Variants in HACD2 observed in about 807,000 individuals in gnomAD.
The protein encoded by HACD2 is very-long-chain (3R)-3-hydroxyacyl-CoA dehydratase 2.
HACD2 carries 15 observed loss-of-function variants against 31.0 expected under a neutral mutation model. The observed-to-expected ratio is 0.48, with a 90% CI of 0.32 to 0.75. The LOEUF (loss-of-function observed/expected upper bound fraction) is 0.75. Among genes scored for constraint, HACD2 ranks in the 30% least tolerant of loss-of-function variants. The pLI is 0.03. For missense variants in HACD2, 283 were observed against 313.0 expected, an observed-to-expected ratio of 0.90 and a Z score of 0.72; for synonymous variants, 115 against 122.2, an observed-to-expected ratio of 0.94 and a Z score of 0.39.
chr3:123,558,485 G>A (rs1364815118), intron 3 of HACD2, among the ~76,000 whole-genome samples: 2 of 152,122 alleles, frequency 1.3e-5, no homozygotes, highest in Non-Finnish European at 2.9e-5. Flanking sequence ...TTGATAATGG[G>A]AGACTATGCA....
At chr3:123,583,424 C>T (rs2056986763) in intron 1 of HACD2, among the ~76,000 whole-genome samples, 1 of 152,056 alleles carries the variant, frequency 6.6e-6, no homozygotes, top group South Asian at 2.1e-4. Context: ...AGTGAGATTC[C>T]TGGATGTTTT....
chr3:123,500,715 A>AT lies in HACD2; in HGVS notation c.504-23dup, dbSNP rs768755764. ...GTACCTAAAACAAAACAAAATATTC[A>AT]TTACTGAGGCTCAAAGTCAGCTTTA... On this transcript the variant is annotated intron_variant, in intron 5 of 6. Transcript: ENST00000383657. 9 of 1,554,432 alleles carry AT rather than the reference A, an allele frequency of 5.8e-6. No individual in the cohort carries two copies. The African/African-American group carries it at 1.2e-4, about 21-fold the overall frequency.
chr3:123,540,922 A>G (rs2056482804), intron 3 of HACD2, among the ~76,000 whole-genome samples: 1 of 152,222 alleles, frequency 6.6e-6, no homozygotes, highest in Non-Finnish European at 1.5e-5. Context: ...TTAAAAATTT[A>G]TCAAATACTG....
At chr3:123,546,737 T>C (rs1165060939) in intron 3 of HACD2, among the ~76,000 whole-genome samples, 1 of 152,196 alleles carries the variant, frequency 6.6e-6, no homozygotes, top group Non-Finnish European at 1.5e-5. Context: ...ACTTATCCTT[T>C]TATAGTTGAG....
intron 3 of HACD2, among the ~76,000 whole-genome samples, chr3:123,563,540 C>A (rs2107743294): frequency 6.6e-6 from 1 of 152,188 alleles, no homozygotes; most frequent in South Asian, 2.1e-4. Flanking sequence ...GGACTTGGAG[C>A]CACACAGCCA....
At chr3:123,566,818 C>A (rs2056797264) in intron 3 of HACD2, among the ~76,000 whole-genome samples, 2 of 152,110 alleles carry the variant, frequency 1.3e-5, no homozygotes, top group Admixed American at 1.3e-4. Context: ...CGCATCAATG[C>A]ACTCTAGCCT....
chr3:123,569,197 CT>C (rs1244446293), intron 2 of HACD2, among the ~76,000 whole-genome samples: 5 of 152,104 alleles, frequency 3.3e-5, no homozygotes, highest in African/African-American at 1.2e-4. Flanking sequence ...ATCTTACAGT[CT>C]TTTTCAATAG....
intron 2 of HACD2, 29 bp from the exon 3 acceptor site, chr3:123,567,809 G>T: frequency 7.1e-7 from 1 of 1,407,008 alleles, no homozygotes; most frequent in East Asian, 2.5e-5. Flanking sequence ...AAAAAGAGGA[G>T]AATTAGTAAG....
intron 4 of HACD2, among the ~76,000 whole-genome samples, chr3:123,512,591 A>G (rs2056077429): frequency 6.6e-6 from 1 of 152,190 alleles, no homozygotes; most frequent in Non-Finnish European, 1.5e-5. Context: ...GGTGGAAGAG[A>G]TGGCCAGTGT....
chr3:123,542,146 C>CA (rs11391480), intron 3 of HACD2, among the ~76,000 whole-genome samples: 34,835 of 41,054 alleles, frequency 0.85, 15,888 homozygotes, highest in Non-Finnish European at 0.9. Flanking sequence ...GACTCCGTCT[C>CA]AAAAAAAAAA....
intron 2 of HACD2, among the ~76,000 whole-genome samples, chr3:123,568,419 C>T (rs2056817631): frequency 6.6e-6 from 1 of 152,196 alleles, no homozygotes; most frequent in African/African-American, 2.4e-5. Flanking sequence ...CCTTCCATTC[C>T]GCCCGTTATC....
intron 6 of HACD2, among the ~76,000 whole-genome samples, chr3:123,496,531 C>T (rs961421109): frequency 6.6e-6 from 1 of 152,190 alleles, no homozygotes; most frequent in Non-Finnish European, 1.5e-5. Flanking sequence ...ACAGGGCTGC[C>T]ATCCACGCCA....
intron 4 of HACD2, among the ~76,000 whole-genome samples, chr3:123,525,074 A>G (rs1300852506): frequency 6.6e-6 from 1 of 152,216 alleles, no homozygotes; most frequent in Non-Finnish European, 1.5e-5. Context: ...CTTAAACACT[A>G]ATAACAAGAT....
chr3:123,502,945 G>C (rs1400863168), intron 4 of HACD2: 1 of 365,878 alleles, frequency 2.7e-6, no homozygotes, highest in Non-Finnish European at 5.1e-6. Context: ...ACGAGGGGTG[G>C]GGATTTACAG....
At chr3:123,521,437 T>A (rs1246628175) in intron 4 of HACD2, among the ~76,000 whole-genome samples, 1 of 152,114 alleles carries the variant, frequency 6.6e-6, no homozygotes, top group Non-Finnish European at 1.5e-5. Flanking sequence ...TAGGATATTT[T>A]TCTCTGGGGC....
At chr3:123,578,923 T>A (rs2056935946) in intron 2 of HACD2, among the ~76,000 whole-genome samples, 3 of 151,502 alleles carry the variant, frequency 2.0e-5, no homozygotes. Context: ...GAAAAACTCC[T>A]CAACCACAGA....
intron 2 of HACD2, among the ~76,000 whole-genome samples, chr3:123,577,665 C>T (rs2056922826): frequency 6.6e-6 from 1 of 151,256 alleles, no homozygotes; most frequent in Non-Finnish European, 1.5e-5. Context: ...TAATTACAGT[C>T]TTATGTTAAC....
chr3:123,525,647 G>A (rs1479750182), intron 4 of HACD2, among the ~76,000 whole-genome samples: 3 of 152,190 alleles, frequency 2.0e-5, no homozygotes, highest in Non-Finnish European at 4.4e-5. Context: ...GCAGGGCAGA[G>A]GGGGTGGAGC....
intron 3 of HACD2, among the ~76,000 whole-genome samples, chr3:123,529,597 G>A (rs747930010): frequency 2.0e-5 from 3 of 152,102 alleles, no homozygotes; most frequent in Non-Finnish European, 4.4e-5. Context: ...CCATGGTAGC[G>A]TACGCCTCTA....
Sources: gnomAD v4.1 joint callset for allele counts (sites outside exome capture counted in the v4.1 genomes callset) on GRCh38, gnomAD v4.1.1 for gene constraint, MANE v1.5 for transcripts, NCBI Gene and HGNC (gene_info 2026-07-23, HGNC 2026-07-21) for gene names.